Variants in SNED1 observed in about 807,000 individuals in gnomAD.
The protein encoded by SNED1 is sushi, nidogen and EGF-like domain-containing protein 1.
In SNED1, 81 loss-of-function variants were observed where a neutral mutation model predicts 166.7. That is an observed-to-expected ratio of 0.49 (90% CI 0.41 to 0.58). The LOEUF (loss-of-function observed/expected upper bound fraction) is 0.58, where lower values mean the gene tolerates loss of function less well. SNED1 is among the 20% of genes least tolerant of loss of function. The pLI, the probability that SNED1 is intolerant of heterozygous loss-of-function variation, is 0.00. For missense variants in SNED1, 1,604 were observed against 2,000.2 expected (o/e 0.80, Z 3.78); for synonymous variants, 762 against 822.0 (o/e 0.93, Z 1.25).
chr2:241,087,288 C>A, intron 29 of SNED1, 104 bp from the exon 30 acceptor site: 3 of 1,076,582 alleles, frequency 2.8e-6, no homozygotes, highest in South Asian at 1.7e-5. Flanking sequence ...CAGTTTTTCC[C>A]TCAAACACCT....
rs547806340 is a variant in SNED1 at position 241,092,427 on chromosome 2, A to G, written c.*791A>G. 2.0e-5 allele frequency: 3 copies of G among 152,318 alleles called. No homozygotes were observed. The highest frequency in any genetic ancestry group is 7.2e-5 in the African/African-American group (3 of 41,578). 9.4% of individuals were successfully genotyped at this position (152,318 alleles called of 1,614,324 possible). A position where few individuals can be genotyped will look rare whatever the true frequency, so the allele number is the denominator to read the frequency against. ...ATGTTCCAATAAAAACTTATTTACAATAACAGGTGGTGGCCAAATTGGCCC... is the reference window on the plus strand; with the variant it reads ...ATGTTCCAATAAAAACTTATTTACAGTAACAGGTGGTGGCCAAATTGGCCC... On this transcript the variant is annotated 3_prime_UTR_variant, in exon 32 of 32. Coordinates refer to ENST00000310397, the MANE Select transcript of SNED1 (RefSeq NM_001080437.3). This position sits in a 1 kb window ranked among gnomAD's most constrained non-coding sequence, Gnocchi z 4.6.
At position 241,051,890 on chromosome 2, in the gene SNED1, AG is replaced by A; in HGVS notation, c.1852+32del. On this transcript the variant is annotated intron_variant, in intron 13 of 31. Coordinates refer to ENST00000310397, the MANE Select transcript of SNED1 (RefSeq NM_001080437.3). The surrounding 1 kb of genome is among the most constrained non-coding windows in gnomAD (Gnocchi z 4.7). ...GGCCCCCAGGGGCAGGGGGGAGGGC[AG>A]GAACGACGGGCCAGCCCTGAGCTGG... 6.6e-7 allele frequency: 1 copy of A among 1,510,552 alleles called. No homozygotes were observed. Among genetic ancestry groups the A allele is most frequent in the Non-Finnish European group, 8.9e-7 (1 of 1,120,666 alleles). 93.6% of individuals were successfully genotyped at this position (1,510,552 alleles called of 1,614,324 possible).
intron 2 of SNED1, among the ~76,000 whole-genome samples, chr2:241,030,931 A>T (rs1447561158): frequency 6.6e-6 from 1 of 152,184 alleles, no homozygotes; most frequent in East Asian, 1.9e-4. Flanking sequence ...TGACAGAAAC[A>T]TTGACTCAAG....
At chr2:241,070,871 A>T (rs1413864636) in intron 24 of SNED1, among the ~76,000 whole-genome samples, 1 of 152,220 alleles carries the variant, frequency 6.6e-6, no homozygotes, top group Non-Finnish European at 1.5e-5. Context: ...GGGACAGAGC[A>T]GAGCAGTGCG....
intron 2 of SNED1, among the ~76,000 whole-genome samples, chr2:241,032,824 C>T (rs1336006843): frequency 6.6e-6 from 1 of 152,048 alleles, no homozygotes; most frequent in Admixed American, 6.5e-5. Flanking sequence ...TCTCTTCATA[C>T]CCTCTGACAT....
At chr2:241,019,220 G>A (rs1218730622) in intron 1 of SNED1, among the ~76,000 whole-genome samples, 1 of 152,040 alleles carries the variant, frequency 6.6e-6, no homozygotes, top group Non-Finnish European at 1.5e-5. Context: ...CAGGGAGGCA[G>A]AGGCTGGAGT....
In SNED1 at chr2:241,071,928, A is replaced by T. The variant is rs775644770; in HGVS notation, c.3817+50A>T. 10 of 1,411,552 alleles carry T rather than the reference A, an allele frequency of 7.1e-6. No homozygotes were observed. In the East Asian group the frequency reaches 2.2e-4, roughly 31 times the overall value. 87.4% of individuals were successfully genotyped at this position (1,411,552 alleles called of 1,614,324 possible). ...ACCTTGGTGGCCCACCCTCGTCCTC[A>T]CTGCCACTCTCACCAGGTCCTGTCC... On this transcript the variant is annotated intron_variant, in intron 26 of 31. Transcript: ENST00000310397.
At chr2:241,030,920 A>G (rs775899319) in intron 2 of SNED1, among the ~76,000 whole-genome samples, 53 of 152,190 alleles carry the variant, frequency 3.5e-4, no homozygotes, top group Non-Finnish European at 6.0e-4. Context: ...AATGCCAAAC[A>G]TGACAGAAAC....
At chr2:241,056,897 TAAA>T (rs1419321922) in intron 16 of SNED1, among the ~76,000 whole-genome samples, 1 of 152,106 alleles carries the variant, frequency 6.6e-6, no homozygotes, top group Non-Finnish European at 1.5e-5. Context: ...GTGAATGTTT[TAAA>T]AAACAGCATC....
At chr2:241,024,923 C>T (rs928978870) in intron 1 of SNED1, among the ~76,000 whole-genome samples, 1 of 152,178 alleles carries the variant, frequency 6.6e-6, no homozygotes, top group Non-Finnish European at 1.5e-5. Context: ...ATCCATGTGC[C>T]TCAGCCTCCC....
intron 31 of SNED1, chr2:241,089,888 G>A: frequency 1.3e-6 from 2 of 1,502,168 alleles, no homozygotes. Context: ...ACTGAATACT[G>A]TAGGCGGTCG....
intron 18 of SNED1, 77 bp downstream of exon 18, chr2:241,063,777 A>G (rs2062320850): frequency 8.8e-7 from 1 of 1,131,588 alleles, no homozygotes; most frequent in Non-Finnish European, 1.3e-6. Context: ...GGGCATCCCC[A>G]CATTCCCTGC....
intron 12 of SNED1, 29 bp downstream of exon 12, chr2:241,049,962 C>T (rs997552268): frequency 1.5e-5 from 23 of 1,550,922 alleles, no homozygotes; most frequent in East Asian, 2.2e-5. Flanking sequence ...TCCGGGCCGG[C>T]GTCAGCACCC....
intron 16 of SNED1, among the ~76,000 whole-genome samples, chr2:241,055,005 T>A (rs2062000567): frequency 1.3e-5 from 2 of 151,968 alleles, no homozygotes; most frequent in African/African-American, 4.8e-5. Flanking sequence ...TAATCCCAGC[T>A]ACTCAGGAGG....
In SNED1 at chr2:241,033,767, C is replaced by G; in HGVS notation, c.534C>G (p.Asp178Glu). 1 of 1,612,078 alleles carries G rather than the reference C, an allele frequency of 6.2e-7. No individual in the cohort carries two copies. The highest frequency in any genetic ancestry group is 8.5e-7 in the Non-Finnish European group (1 of 1,179,588). Residue 178 changes from aspartate to glutamate, a missense_variant, in exon 3 of 32, where the codon GAC (aspartate) becomes GAG (glutamate). Asp to Glu is a conservative substitution (Grantham distance 45, BLOSUM62 2). Coordinates refer to ENST00000310397, the MANE Select transcript of SNED1 (RefSeq NM_001080437.3). ...CATTCCAGACTGTGCTCATCACAGA[C>G]GGCAAGCTCTCCTTCACCATCTTCA... is the stretch of plus-strand genomic sequence containing the variant. The part of the protein sequence containing the change: ...VNTFQTVLIT[D>E]GKLSFTIFNY...
intron 27 of SNED1, among the ~76,000 whole-genome samples, chr2:241,079,278 G>A (rs1029244430): frequency 5.3e-5 from 8 of 151,382 alleles, no homozygotes; most frequent in African/African-American, 1.9e-4. Flanking sequence ...CGGGCGCAGT[G>A]GCAGGCGCCT....
chr2:241,020,715 C>G (rs939475749), intron 1 of SNED1, among the ~76,000 whole-genome samples: 15 of 152,178 alleles, frequency 9.9e-5, no homozygotes, highest in African/African-American at 3.6e-4. Context: ...CCAGTAGCCA[C>G]CCCACCTTAA....
At chr2:241,012,825 C>CTTTTTTTTT (rs59199140) in intron 1 of SNED1, among the ~76,000 whole-genome samples, 4 of 134,876 alleles carry the variant, frequency 3.0e-5, no homozygotes, top group Non-Finnish European at 6.3e-5. Flanking sequence ...TTTTTTTTTT[C>CTTTTTTTTT]TTTTTTTTTT....
At chr2:241,061,814 C>T (rs2062239633) in intron 16 of SNED1, among the ~76,000 whole-genome samples, 1 of 150,470 alleles carries the variant, frequency 6.6e-6, no homozygotes, top group Non-Finnish European at 1.5e-5. Context: ...GATCATGCCA[C>T]TGCACTCCAG....
Sources: gnomAD v4.1 joint callset for allele counts (sites outside exome capture counted in the v4.1 genomes callset) on GRCh38, gnomAD v4.1.1 for gene constraint, Gnocchi (gnomAD v3.1) non-coding constraint, MANE v1.5 for transcripts, NCBI Gene and HGNC (gene_info 2026-07-23, HGNC 2026-07-21) for gene names.